CTXND2: variants seen among roughly 807,000 people sequenced by gnomAD.
The protein encoded by CTXND2 is cortexin domain containing 2.
chr1:150,909,789 G>C (rs982228377), intron 1 of CTXND2, among the ~76,000 whole-genome samples: 1 of 152,186 alleles, frequency 6.6e-6, no homozygotes, highest in African/African-American at 2.4e-5. Flanking sequence ...TATTGCCAAA[G>C]AAGAAGGCTT....
chr1:150,911,574 A>C (rs1183772539), intron 1 of CTXND2, among the ~76,000 whole-genome samples: 1 of 151,890 alleles, frequency 6.6e-6, no homozygotes, highest in Admixed American at 6.6e-5. Flanking sequence ...TTGGGATTAC[A>C]GGTGCCCGCC....
intron 1 of CTXND2, among the ~76,000 whole-genome samples, 196 bp downstream of exon 1, chr1:150,887,509 A>G (rs1207568085): frequency 6.6e-6 from 1 of 151,896 alleles, no homozygotes; most frequent in East Asian, 1.9e-4. Flanking sequence ...CCCAGACTGA[A>G]CTCAAACTCC....
At chr1:150,889,143 C>A (rs1479657488) in intron 1 of CTXND2, among the ~76,000 whole-genome samples, 1 of 152,178 alleles carries the variant, frequency 6.6e-6, no homozygotes, top group Non-Finnish European at 1.5e-5. Context: ...GGTGCAGTGG[C>A]TCACGCCTGT....
At chr1:150,889,641 C>T (rs1302851425) in intron 1 of CTXND2, among the ~76,000 whole-genome samples, 1 of 152,018 alleles carries the variant, frequency 6.6e-6, no homozygotes, top group Non-Finnish European at 1.5e-5. Flanking sequence ...ACTGCTAAAA[C>T]TCCTCTTGTT....
chr1:150,909,006 A>G lies in CTXND2; in HGVS notation c.-73-3236A>G, dbSNP rs181705031. On this transcript the variant is annotated intron_variant, in intron 1 of 1. Coordinates refer to ENST00000636087, the Ensembl canonical transcript of CTXND2. Reference sequence around the variant, plus strand: ...TGTAATCCCAGCACTTTGGGAGGCCAAGGGGGGCAGATCACCTGAGGTCAG... The same window carrying G: ...TGTAATCCCAGCACTTTGGGAGGCCGAGGGGGGCAGATCACCTGAGGTCAG... Among the ~76,000 whole-genome samples, 878 of 151,728 alleles carry G rather than the reference A, an allele frequency of 5.8e-3. 4 individuals are homozygous for G. The highest frequency in any genetic ancestry group is 0.021 in the Middle Eastern group (6 of 292).
chr1:150,904,084 T>C, intron 1 of CTXND2: 1 of 665,078 alleles, frequency 1.5e-6, no homozygotes, highest in Non-Finnish European at 2.8e-6. Context: ...GGGGAGAGGA[T>C]ACGCTGATGG....
At chr1:150,901,488 C>G (rs2102599530) in intron 1 of CTXND2, among the ~76,000 whole-genome samples, 1 of 152,232 alleles carries the variant, frequency 6.6e-6, no homozygotes, top group South Asian at 2.1e-4. Flanking sequence ...GTTATGATTT[C>G]AAAACACTAC....
At chr1:150,900,631 G>A (rs1482127499) in intron 1 of CTXND2, among the ~76,000 whole-genome samples, 1 of 150,002 alleles carries the variant, frequency 6.7e-6, no homozygotes, top group East Asian at 2.0e-4. Flanking sequence ...CTGGGCCACA[G>A]AGCAAGACTT....
At chr1:150,907,853 G>A (rs1389492425) in intron 1 of CTXND2, among the ~76,000 whole-genome samples, 1 of 152,026 alleles carries the variant, frequency 6.6e-6, no homozygotes, top group Non-Finnish European at 1.5e-5. Context: ...GGGACTACAG[G>A]CACCTGCCAC....
At chr1:150,900,305 C>T (rs779259799) in intron 1 of CTXND2, among the ~76,000 whole-genome samples, 2 of 151,848 alleles carry the variant, frequency 1.3e-5, no homozygotes, top group Non-Finnish European at 2.9e-5. Flanking sequence ...GTAACACTCA[C>T]TGCGAAGGTC....
At chr1:150,906,137 A>G (rs1669142172) in intron 1 of CTXND2, among the ~76,000 whole-genome samples, 1 of 151,694 alleles carries the variant, frequency 6.6e-6, no homozygotes, top group Non-Finnish European at 1.5e-5. Context: ...CGTCTCTACA[A>G]AAAATTTAAA....
intron 1 of CTXND2, among the ~76,000 whole-genome samples, chr1:150,910,493 G>C (rs1034627775): frequency 6.6e-6 from 1 of 152,048 alleles, no homozygotes. Context: ...TTCAAAATAA[G>C]GGTCTAACTT....
chr1:150,890,885 A>G (rs1668842046), intron 1 of CTXND2, among the ~76,000 whole-genome samples: 1 of 152,154 alleles, frequency 6.6e-6, no homozygotes, highest in Admixed American at 6.5e-5. Context: ...AGAAAGCTTC[A>G]ATGCTTCCTG....
chr1:150,908,271 G>A (rs1031665233), intron 1 of CTXND2, among the ~76,000 whole-genome samples: 7 of 152,132 alleles, frequency 4.6e-5, no homozygotes, highest in Admixed American at 3.9e-4. Context: ...TGCCCAAAGT[G>A]CTGGGATTAT....
At chr1:150,909,081 A>G (rs1479562173) in intron 1 of CTXND2, among the ~76,000 whole-genome samples, 1 of 151,652 alleles carries the variant, frequency 6.6e-6, no homozygotes, top group Non-Finnish European at 1.5e-5. Context: ...TCTACTAAAA[A>G]TACAAAACGT....
At chr1:150,889,688 T>C (rs1668823469) in intron 1 of CTXND2, among the ~76,000 whole-genome samples, 1 of 152,124 alleles carries the variant, frequency 6.6e-6, no homozygotes, top group African/African-American at 2.4e-5. Context: ...TCCAATACTT[T>C]TTACGCACTC....
At chr1:150,905,060 A>C (rs1260450920) in intron 1 of CTXND2, among the ~76,000 whole-genome samples, 2 of 105,456 alleles carry the variant, frequency 1.9e-5, no homozygotes, top group Non-Finnish European at 3.8e-5. Context: ...TCAAAAAGAA[A>C]ACCACACACA....
intron 1 of CTXND2, among the ~76,000 whole-genome samples, chr1:150,910,120 G>GTTTTTTTTTTTTCTTTTTTTTT (rs1669225026): frequency 2.3e-5 from 3 of 131,232 alleles, no homozygotes; most frequent in Non-Finnish European, 5.0e-5. Context: ...TCTTTTTTCT[G>GTTTTTTTTTTTTCTTTTTTTTT]TTTTTTTTTT....
chr1:150,894,095 C>T (rs1035825796), intron 1 of CTXND2, among the ~76,000 whole-genome samples: 8 of 151,862 alleles, frequency 5.3e-5, no homozygotes, highest in Non-Finnish European at 8.8e-5. Context: ...TTATCAAATG[C>T]TTTTTCTGTA....
Sources: gnomAD v4.1 joint callset for allele counts (sites outside exome capture counted in the v4.1 genomes callset) on GRCh38, gnomAD v4.1.1 for gene constraint, MANE v1.5 for transcripts, NCBI Gene and HGNC (gene_info 2026-07-23, HGNC 2026-07-21) for gene names.